MTCH2: variants seen among roughly 807,000 people sequenced by gnomAD.
MTCH2 encodes the protein mitochondrial carrier homolog 2.
In MTCH2, 25 loss-of-function variants were observed where a neutral mutation model predicts 50.6. The ratio of observed to expected loss-of-function variants is 0.49; its 90% CI spans 0.36 to 0.69. The LOEUF (loss-of-function observed/expected upper bound fraction) is 0.69. Among genes scored for constraint, MTCH2 ranks in the 30% least tolerant of loss-of-function variants. The pLI is 0.00. For synonymous variants in MTCH2, 106 were observed against 132.0 expected (o/e 0.80, Z 1.35); for missense variants, 273 against 384.4 (o/e 0.71, Z 2.42).
chr11:47,634,814 C>T, intron 4 of MTCH2, 80 bp from the exon 5 acceptor site: 1 of 1,028,764 alleles, frequency 9.7e-7, no homozygotes, highest in East Asian at 3.0e-5. Flanking sequence ...GCTCTGTCGC[C>T]CAGGCTGGAG....
downstream of MTCH2, among the ~76,000 whole-genome samples, chr11:47,615,718 C>T (rs1279344314): frequency 2.0e-5 from 3 of 151,634 alleles, no homozygotes; most frequent in East Asian, 1.9e-4. Flanking sequence ...CTGCAACCTC[C>T]ACCTTCCGAT....
rs79472601 is a variant in MTCH2, at chr11:47,635,700, T to A, written c.280-129A>T. On this transcript the variant is annotated intron_variant, in intron 3 of 12. Transcript: ENST00000302503. ...TTTTTAAAGTTTTTGTTTTTTTTTT[T>A]AAGCTGCAAATCTTCAGTTAACTTC... 30 of 796,832 alleles carry A rather than the reference T, an allele frequency of 3.8e-5. No homozygotes were observed. In the Admixed American group the frequency reaches 6.0e-4, roughly 16 times the overall value. 49.4% of individuals were successfully genotyped at this position (796,832 alleles called of 1,614,324 possible).
chr11:47,633,522 ATATATTTTTTTTT>A (rs1820595540), intron 5 of MTCH2, among the ~76,000 whole-genome samples: 1 of 26,520 alleles, frequency 3.8e-5, no homozygotes, highest in South Asian at 1.8e-3. Context: ...ATATATATAT[ATATATTTTTTTTT>A]TTTTTTTTTT....
At chr11:47,628,633 G>A (rs1239473126) in intron 9 of MTCH2, among the ~76,000 whole-genome samples, 3 of 152,100 alleles carry the variant, frequency 2.0e-5, no homozygotes, top group African/African-American at 7.2e-5. Context: ...GGAATGCAGT[G>A]GCGCGATCTT....
chr11:47,627,810 A>C lies in MTCH2; in HGVS notation c.634-683T>G. 1.3e-5 allele frequency among the ~76,000 whole-genome samples: 2 copies of C among 151,970 alleles called. 1 individual carries two copies. The highest frequency in any genetic ancestry group is 3.9e-4 in the East Asian group (2 of 5,190). On this transcript the variant is annotated intron_variant, in intron 9 of 12. Coordinates refer to ENST00000302503, the MANE Select transcript of MTCH2 (RefSeq NM_014342.4). ...TGTCTAAAACTAATTTTGAGGACAA[A>C]ACCATAAAACACTGATTATTAGAAT...
chr11:47,623,093 G>A (rs1374031271), intron 11 of MTCH2, among the ~76,000 whole-genome samples: 5 of 151,226 alleles, frequency 3.3e-5, no homozygotes, highest in African/African-American at 1.2e-4. Flanking sequence ...AAAGGTGGCC[G>A]GGCACGGTGG....
the MTCH2 span, among the ~76,000 whole-genome samples, chr11:47,609,646 A>G: frequency 2.7e-5 from 4 of 149,860 alleles, no homozygotes; most frequent in Admixed American, 1.3e-4. Context: ...AAAAAAAAAA[A>G]AAAAAGAAAA....
chr11:47,605,180 G>C, the MTCH2 span, among the ~76,000 whole-genome samples: 18 of 152,150 alleles, frequency 1.2e-4, no homozygotes, highest in South Asian at 3.7e-3. Flanking sequence ...CGCCCGCCTC[G>C]GCCTCCCAAA....
chr11:47,628,890 A>G, intron 9 of MTCH2, 63 bp downstream of exon 9: 7 of 1,472,698 alleles, frequency 4.8e-6, no homozygotes, highest in Non-Finnish European at 6.6e-6. Flanking sequence ...TCTTACTTTA[A>G]AAGCTAATCT....
chr11:47,630,116 C>T (rs948653652), intron 8 of MTCH2, among the ~76,000 whole-genome samples: 2 of 152,290 alleles, frequency 1.3e-5, no homozygotes, highest in Middle Eastern at 3.4e-3. Context: ...GCAACTTCCA[C>T]CTCCCGGGTT....
chr11:47,612,394 C>T (rs1459806983), downstream of MTCH2, among the ~76,000 whole-genome samples: 7 of 151,944 alleles, frequency 4.6e-5, no homozygotes, highest in African/African-American at 1.5e-4. Context: ...AGTGAAACCC[C>T]GTCTCTACTA....
chr11:47,629,160 T>C, intron 8 of MTCH2, 114 bp from the exon 9 acceptor site: 1 of 894,606 alleles, frequency 1.1e-6, no homozygotes, highest in East Asian at 2.7e-5. Flanking sequence ...TCTAGGGAAG[T>C]AAAAAAGGAA....
chr11:47,629,543 G>C (rs1315277465), intron 8 of MTCH2, among the ~76,000 whole-genome samples: 2 of 152,090 alleles, frequency 1.3e-5, no homozygotes, highest in Non-Finnish European at 1.5e-5. Context: ...AGGCAGCATG[G>C]AATAGTGGGA....
chr11:47,635,043 G>A (rs1181847839), intron 4 of MTCH2, among the ~76,000 whole-genome samples: 5 of 152,086 alleles, frequency 3.3e-5, no homozygotes. Context: ...AAAGTGCTGG[G>A]ATTACAGGCA....
At chr11:47,623,190 G>A (rs2097294848) in intron 11 of MTCH2, among the ~76,000 whole-genome samples, 2 of 151,926 alleles carry the variant, frequency 1.3e-5, no homozygotes, top group Admixed American at 6.6e-5. Context: ...GGCCAACATG[G>A]TGAAACCCCA....
At chr11:47,631,756 C>A (rs1429121386) in intron 5 of MTCH2, 45 bp from the exon 6 acceptor site, 2 of 1,600,244 alleles carry the variant, frequency 1.2e-6, no homozygotes, top group African/African-American at 1.3e-5. Flanking sequence ...ACAAATGACA[C>A]TCAAATGCCT....
At chr11:47,625,443 T>C (rs1445288639) in intron 11 of MTCH2, among the ~76,000 whole-genome samples, 2 of 148,602 alleles carry the variant, frequency 1.3e-5, no homozygotes, top group Admixed American at 1.3e-4. Flanking sequence ...AAAATAATAA[T>C]AATAATTAAT....
the MTCH2 span, among the ~76,000 whole-genome samples, chr11:47,608,022 A>G: frequency 6.6e-6 from 1 of 152,246 alleles, no homozygotes; most frequent in Non-Finnish European, 1.5e-5. Context: ...GTGCCATATT[A>G]GAAATTCCAG....
At chr11:47,636,442 A>G (rs544554737) in intron 3 of MTCH2, among the ~76,000 whole-genome samples, 1 of 151,548 alleles carries the variant, frequency 6.6e-6, no homozygotes. Flanking sequence ...TCAGAAAAAA[A>G]GAAAAGGGGC....
Sources: allele counts gnomAD v4.1 joint callset (sites outside exome capture counted in the v4.1 genomes callset), GRCh38; gene constraint gnomAD v4.1.1; transcripts MANE v1.5; gene names NCBI Gene and HGNC (gene_info 2026-07-23, HGNC 2026-07-21).